The following STPG4 variants were observed in gnomAD, a reference collection of about 807,000 sequenced individuals.
The protein encoded by STPG4 is protein STPG4.
Under a neutral mutation model 31.5 loss-of-function variants are expected in STPG4, and 41 were observed. The observed-to-expected ratio is 1.30, with a 90% CI of 1.01 to 1.69. The LOEUF is 1.69. STPG4 is among the 40% of genes most tolerant of loss of function. The probability of loss-of-function intolerance (pLI) is 0.00; values close to 1 mark genes in which losing one functional copy is unlikely to be tolerated. For missense variants in STPG4, 375 were observed against 293.4 expected (o/e 1.28, Z -2.03); for synonymous variants, 141 against 103.0 (o/e 1.37, Z -2.24).
intron 3 of STPG4, among the ~76,000 whole-genome samples, chr2:47,131,961 T>C (rs1052570077): frequency 1.3e-5 from 2 of 152,054 alleles, no homozygotes; most frequent in African/African-American, 4.8e-5. Context: ...GGTCAGAAGT[T>C]CAAGACCAGC....
At chr2:47,141,584 A>G (rs1046369087) in intron 3 of STPG4, among the ~76,000 whole-genome samples, 3 of 151,894 alleles carry the variant, frequency 2.0e-5, no homozygotes, top group African/African-American at 4.8e-5. Flanking sequence ...TCTGCTAAAT[A>G]AGCCGCTTGA....
chr2:47,120,106 G>T (rs1350239626), intron 5 of STPG4, among the ~76,000 whole-genome samples: 2 of 152,172 alleles, frequency 1.3e-5, no homozygotes, highest in African/African-American at 4.8e-5. Flanking sequence ...TAACGTGGGT[G>T]GATCACTTAA....
chr2:47,129,036 G>A (rs1398107526), intron 5 of STPG4: 3 of 152,224 alleles, frequency 2.0e-5, no homozygotes, highest in African/African-American at 2.4e-5. Context: ...TTAAGGCAGT[G>A]GATTCTCTTC....
At chr2:47,092,792 C>T (rs773547739) in intron 5 of STPG4, among the ~76,000 whole-genome samples, 51 of 77,510 alleles carry the variant, frequency 6.6e-4, no homozygotes, top group Middle Eastern at 7.9e-3. Flanking sequence ...AGACCCTCCA[C>T]GGTTCTGTTT....
intron 3 of STPG4, among the ~76,000 whole-genome samples, chr2:47,134,451 A>C (rs1259255178): frequency 6.6e-6 from 1 of 152,212 alleles, no homozygotes; most frequent in Admixed American, 6.5e-5. Flanking sequence ...GTGGAATCAT[A>C]CCATATGCAG....
At chr2:47,131,464 A>G (rs940974431) in intron 3 of STPG4, among the ~76,000 whole-genome samples, 3 of 152,220 alleles carry the variant, frequency 2.0e-5, no homozygotes, top group East Asian at 1.9e-4. Flanking sequence ...CAACAAATCA[A>G]TTCAGCCATT....
intron 5 of STPG4, among the ~76,000 whole-genome samples, chr2:47,123,079 G>GCCTT (rs1686306066): frequency 6.6e-6 from 1 of 152,154 alleles, no homozygotes; most frequent in South Asian, 2.1e-4. Context: ...GCCTGCCTCA[G>GCCTT]CCTTCCAAAG....
chr2:47,126,583 TCCCAAAGTGCTGA>T (rs1466680922), intron 5 of STPG4, among the ~76,000 whole-genome samples: 3 of 152,168 alleles, frequency 2.0e-5, no homozygotes, highest in Non-Finnish European at 4.4e-5. Flanking sequence ...TGCCTCAGCC[TCCCAAAGTGCTGA>T]GATTATAGGC....
intron 3 of STPG4, among the ~76,000 whole-genome samples, chr2:47,149,244 G>A (rs1686890605): frequency 6.6e-6 from 1 of 152,186 alleles, no homozygotes; most frequent in South Asian, 2.1e-4. Flanking sequence ...CCATCCTTCC[G>A]AGTAAGCCTA....
intron 3 of STPG4, among the ~76,000 whole-genome samples, chr2:47,144,939 C>A (rs1686789539): frequency 6.6e-6 from 1 of 152,170 alleles, no homozygotes; most frequent in Admixed American, 6.5e-5. Flanking sequence ...ACTGTGTTAG[C>A]CAGGAAGGTC....
At chr2:47,098,252 C>A (rs76022965) in intron 5 of STPG4, among the ~76,000 whole-genome samples, 2,259 of 152,340 alleles carry the variant, frequency 0.015, 70 homozygotes, top group African/African-American at 0.051. Context: ...CAGCTCCCCA[C>A]AGACCGGAGA....
At chr2:47,151,927 T>G (rs961283900) in intron 2 of STPG4, among the ~76,000 whole-genome samples, 1 of 151,532 alleles carries the variant, frequency 6.6e-6, no homozygotes, top group African/African-American at 2.4e-5. Flanking sequence ...TTGTTTTTTT[T>G]TTTTTTTTTG....
intron 5 of STPG4, among the ~76,000 whole-genome samples, chr2:47,099,904 C>T (rs563211952): frequency 6.6e-6 from 1 of 152,256 alleles, no homozygotes; most frequent in South Asian, 2.1e-4. Flanking sequence ...TGTACTGGGT[C>T]CCCCAGCAGT....
intron 5 of STPG4, chr2:47,108,951 G>A (rs972448134): frequency 6.6e-6 from 1 of 152,268 alleles, no homozygotes; most frequent in African/African-American, 2.4e-5. Context: ...TGCAAAGTAG[G>A]AGAGAGATGA....
At position 47,105,254 on chromosome 2, in the gene STPG4, C is replaced by T. The variant is rs544716934; in HGVS notation, c.520-14880G>A. Among the ~76,000 whole-genome samples, 13 of 152,050 alleles carry T rather than the reference C, an allele frequency of 8.5e-5. 1 individual carries two copies. In the South Asian group the frequency reaches 2.3e-3, roughly 27 times the overall value. ...CCGGTGGCATACCTAAGTAAGGAAA[C>T]TGATGTAGTAGCAAAAGGCTGGCCT... On this transcript the variant is annotated intron_variant, in intron 5 of 6. Coordinates refer to ENST00000445927, the MANE Select transcript of STPG4 (RefSeq NM_001163561.2).
chr2:47,147,102 G>A (rs148875439), intron 3 of STPG4, among the ~76,000 whole-genome samples: 2,036 of 152,254 alleles, frequency 0.013, 15 homozygotes, highest in Non-Finnish European at 0.019. Flanking sequence ...TTGTGCCACT[G>A]TACTGTAGCC....
chr2:47,149,988 G>C (rs1447451974), intron 3 of STPG4, among the ~76,000 whole-genome samples: 1 of 152,146 alleles, frequency 6.6e-6, no homozygotes, highest in African/African-American at 2.4e-5. Flanking sequence ...ACTAAATTTT[G>C]GTGCAGAAGC....
intron 2 of STPG4, among the ~76,000 whole-genome samples, chr2:47,152,543 C>T (rs1686959065): frequency 6.6e-6 from 1 of 152,144 alleles, no homozygotes; most frequent in Non-Finnish European, 1.5e-5. Context: ...ATTTTTCTTC[C>T]ATATATTACC....
chr2:47,088,948 C>T (rs912304978), intron 6 of STPG4, among the ~76,000 whole-genome samples: 13 of 152,132 alleles, frequency 8.5e-5, no homozygotes, highest in Admixed American at 4.6e-4. Flanking sequence ...GGCCACCCCT[C>T]GGGAGGCTGC....
Sources: gnomAD v4.1 joint callset for allele counts (sites outside exome capture counted in the v4.1 genomes callset) on GRCh38, gnomAD v4.1.1 for gene constraint, MANE v1.5 for transcripts, NCBI Gene and HGNC (gene_info 2026-07-23, HGNC 2026-07-21) for gene names.